RFX7: variants seen among roughly 807,000 people sequenced by gnomAD.
The protein encoded by RFX7 is regulatory factor X7.
RFX7 carries 26 observed loss-of-function variants against 111.8 expected under a neutral mutation model. The ratio of observed to expected loss-of-function variants is 0.23; its 90% CI spans 0.17 to 0.32. The LOEUF (loss-of-function observed/expected upper bound fraction) is 0.32. Among genes scored for constraint, RFX7 ranks in the 10% least tolerant of loss-of-function variants. RFX7 has a pLI of 1.00. For synonymous variants in RFX7, 624 were observed against 624.4 expected (o/e 1.00, Z 0.01); for missense variants, 1,573 against 1,772.9 (o/e 0.89, Z 2.02).
Position 56,093,966 on chromosome 15 carries a change from C to T in RFX7, c.3762G>A (p.Leu1254=). Residue 1254 remains leucine, a synonymous_variant, in exon 10 of 10, where the codon TTG becomes TTA. Transcript: ENST00000559447. ...ANSKKITNVL[L]SKLDSDNDDA... ...CATCATTGTCGGAATCAAGTTTACTCAACAAAACATTGGTTATTTTTTTAC... is the reference window on the plus strand; with the variant it reads ...CATCATTGTCGGAATCAAGTTTACTTAACAAAACATTGGTTATTTTTTTAC... 2 of 1,613,936 alleles carry T rather than the reference C, an allele frequency of 1.2e-6. No homozygotes were observed. Among genetic ancestry groups the T allele is most frequent in the Non-Finnish European group, 1.7e-6 (2 of 1,179,880 alleles).
chr15:56,087,305 A>G lies in RFX7; in HGVS notation c.*6040T>C. 2 of 371,310 alleles carry G rather than the reference A, an allele frequency of 5.4e-6. No individual in the cohort carries two copies. Among genetic ancestry groups the G allele is most frequent in the South Asian group, 4.0e-5 (2 of 49,824 alleles). The allele number at this position is 371,310 out of a possible 1,614,324, so 23.0% of individuals were successfully genotyped here. ...TGTGAGTTAAACCAGAAAGACATTT[A>G]TTTCTCTCATGTAAAACACATCCAG... On this transcript the variant is annotated 3_prime_UTR_variant, in exon 10 of 10. Coordinates refer to ENST00000559447, the MANE Select transcript of RFX7 (RefSeq NM_022841.7).
chr15:56,178,119 C>T (rs1299219608), intron 3 of RFX7, among the ~76,000 whole-genome samples: 8 of 145,144 alleles, frequency 5.5e-5, no homozygotes, highest in African/African-American at 1.8e-4. Flanking sequence ...TTACCTACTT[C>T]AGAGGATTAT....
rs1173779783 is a variant in RFX7 at position 56,092,318 on chromosome 15, G to T, written c.*1027C>A. The T allele has an allele frequency of 6.6e-6, 1 of 152,276 alleles. No individual in the cohort carries two copies. Among genetic ancestry groups the T allele is most frequent in the Non-Finnish European group, 1.5e-5 (1 of 67,924 alleles). The allele number at this position is 152,276 out of a possible 1,614,324, so 9.4% of individuals were successfully genotyped here. ...TTATCCTCCTTCCTGTTTTTCAAAGGGATCCTATGATCAAACTACATTACT... is the reference window on the plus strand; with the variant it reads ...TTATCCTCCTTCCTGTTTTTCAAAGTGATCCTATGATCAAACTACATTACT... On this transcript the variant is annotated 3_prime_UTR_variant, in exon 10 of 10. Transcript: ENST00000559447.
At chr15:56,097,176 A>C (rs2041690758) in intron 9 of RFX7, among the ~76,000 whole-genome samples, 1 of 152,184 alleles carries the variant, frequency 6.6e-6, no homozygotes. Context: ...ACGACAAAAT[A>C]CTTCCTAAAT....
chr15:56,146,787 G>C (rs373639343), intron 3 of RFX7, among the ~76,000 whole-genome samples: 1 of 152,062 alleles, frequency 6.6e-6, no homozygotes, highest in African/African-American at 2.4e-5. Context: ...TTGCCATATG[G>C]GGTACAACAC....
intron 2 of RFX7, among the ~76,000 whole-genome samples, chr15:56,182,343 C>A (rs1234852664): frequency 6.6e-6 from 1 of 151,924 alleles, no homozygotes; most frequent in Non-Finnish European, 1.5e-5. Context: ...TAGATGAGGG[C>A]CCTGGAATCA....
chr15:56,151,970 A>AT (rs2042575853), intron 3 of RFX7, among the ~76,000 whole-genome samples: 1 of 152,232 alleles, frequency 6.6e-6, no homozygotes, highest in African/African-American at 2.4e-5. Flanking sequence ...AGGGCATTAC[A>AT]TAATGGTAAA....
intron 3 of RFX7, among the ~76,000 whole-genome samples, chr15:56,155,202 G>T (rs902527240): frequency 2.6e-5 from 4 of 152,152 alleles, no homozygotes; most frequent in Admixed American, 1.3e-4. Flanking sequence ...TTCAACCATT[G>T]CGGAAGACAG....
At chr15:56,099,995 T>C (rs1329864725) in intron 8 of RFX7, among the ~76,000 whole-genome samples, 1 of 152,214 alleles carries the variant, frequency 6.6e-6, no homozygotes, top group Non-Finnish European at 1.5e-5. Context: ...TCTGTTGATG[T>C]ACTCTTTTAG....
chr15:56,139,952 T>C, intron 5 of RFX7, among the ~76,000 whole-genome samples: 1 of 152,200 alleles, frequency 6.6e-6, no homozygotes. Context: ...AGGGACCCAC[T>C]TGAGGAGGCA....
intron 5 of RFX7, among the ~76,000 whole-genome samples, chr15:56,140,772 A>G (rs2042381105): frequency 6.6e-6 from 1 of 152,260 alleles, no homozygotes; most frequent in Admixed American, 6.5e-5. Context: ...TTTTTAGAAA[A>G]AAAATCATAA....
chr15:56,211,697 C>A (rs373181092), intron 2 of RFX7, among the ~76,000 whole-genome samples: 1 of 152,148 alleles, frequency 6.6e-6, no homozygotes, highest in African/African-American at 2.4e-5. Flanking sequence ...TTATAATCAA[C>A]CCCATTAAAA....
rs753917269 is a variant in RFX7 at position 56,204,810 on chromosome 15, C to T, written c.162-25507G>A. On this transcript the variant is annotated intron_variant, in intron 2 of 9. Transcript: ENST00000559447. ...AAAAGGAACTTAATGAAATCAAATG[C>T]GAGTCAGGGTCATGCACCTTACTCT... is the stretch of plus-strand genomic sequence containing the variant. 7.2e-5 allele frequency among the ~76,000 whole-genome samples: 11 copies of T among 152,186 alleles called. No homozygotes were observed. In the South Asian group the frequency reaches 1.9e-3, roughly 26 times the overall value.
intron 2 of RFX7, among the ~76,000 whole-genome samples, chr15:56,181,882 C>A (rs1358595847): frequency 6.6e-6 from 1 of 152,102 alleles, no homozygotes; most frequent in Non-Finnish European, 1.5e-5. Context: ...AGGTGAGCAA[C>A]CAAGCGCATT....
intron 2 of RFX7, among the ~76,000 whole-genome samples, chr15:56,185,823 G>T (rs1204440113): frequency 6.6e-6 from 1 of 152,144 alleles, no homozygotes; most frequent in Non-Finnish European, 1.5e-5. Flanking sequence ...CATTTTAAGT[G>T]AGGATATTTT....
intron 2 of RFX7, among the ~76,000 whole-genome samples, chr15:56,195,355 A>C (rs2043137861): frequency 6.6e-6 from 1 of 152,106 alleles, no homozygotes; most frequent in Non-Finnish European, 1.5e-5. Context: ...AAAGTTACTA[A>C]ATGCTACTGA....
At position 56,093,627 on chromosome 15, in the gene RFX7, A is replaced by G. The variant is rs1234430471; in HGVS notation, c.4101T>C (p.Gly1367=). The G allele has an allele frequency of 1.2e-6, 2 of 1,613,822 alleles. No individual in the cohort carries two copies. Among genetic ancestry groups the G allele is most frequent in the African/African-American group, 2.7e-5 (2 of 75,014 alleles). The part of the protein sequence containing the change: ...DSLQTNQQLV[G]QGASDLTNTA... ...TATTAGTGAGATCAGATGCTCCCTG[A>G]CCTACCAGCTGCTGGTTGGTTTGCA... is the stretch of plus-strand genomic sequence containing the variant. Residue 1367 remains glycine, a synonymous_variant, in exon 10 of 10, where the codon GGT becomes GGC. Transcript: ENST00000559447.
chr15:56,179,207 A>T, intron 3 of RFX7, 63 bp downstream of exon 3: 1 of 751,584 alleles, frequency 1.3e-6, no homozygotes, highest in Non-Finnish European at 1.9e-6. Flanking sequence ...TGAAAACTGT[A>T]TATTTTATAT....
intron 2 of RFX7, among the ~76,000 whole-genome samples, chr15:56,195,931 C>A (rs1191425539): frequency 6.6e-6 from 1 of 152,110 alleles, no homozygotes; most frequent in African/African-American, 2.4e-5. Context: ...AAGTAAACAT[C>A]TTGCTTTTGA....
Sources: gnomAD v4.1 joint callset for allele counts (sites outside exome capture counted in the v4.1 genomes callset) on GRCh38, gnomAD v4.1.1 for gene constraint, MANE v1.5 for transcripts, NCBI Gene and HGNC (gene_info 2026-07-23, HGNC 2026-07-21) for gene names.